The following GNB1L variants were observed in gnomAD, a reference collection of about 807,000 sequenced individuals.
GNB1L encodes the protein guanine nucleotide-binding protein subunit beta-like protein 1.
A neutral mutation model predicts 29.1 loss-of-function variants in GNB1L; 20 were observed. The observed-to-expected ratio is 0.69, with a 90% CI of 0.48 to 1.00. The LOEUF (loss-of-function observed/expected upper bound fraction) is 1.00, where lower values mean the gene tolerates loss of function less well. Among genes scored for constraint, GNB1L ranks in the 50% least tolerant of loss-of-function variants. The pLI is 0.00. For missense variants in GNB1L, 421 were observed against 464.9 expected (o/e 0.91, Z 0.87); for synonymous variants, 193 against 206.5 (o/e 0.93, Z 0.56).
Position 19,783,541 on chromosome 22 carries a change from C to A in GNB1L, c.*5168G>T, listed in dbSNP as rs41258424. 0.14 allele frequency: 25,974 copies of A among 185,598 alleles called. 2,558 individuals are homozygous for A. Among genetic ancestry groups the A allele is most frequent in the East Asian group, 0.42 (2,842 of 6,690 alleles). 11.5% of individuals were successfully genotyped at this position (185,598 alleles called of 1,614,324 possible). A position where few individuals can be genotyped will look rare whatever the true frequency, so the allele number is the denominator to read the frequency against. On this transcript the variant is annotated 3_prime_UTR_variant, in exon 8 of 8. Transcript: ENST00000329517. ...CTCCAGCCTGGGTGACAGAGTGAGA[C>A]CCCCACTGTCCCTGGTCTCTTAAAA...
chr22:19,852,130 A>T (rs1938120441), intron 2 of GNB1L: 2 of 1,614,170 alleles, frequency 1.2e-6, no homozygotes, highest in East Asian at 4.5e-5. Flanking sequence ...CAATCCAGGG[A>T]TCCACAAGGG....
intron 2 of GNB1L, among the ~76,000 whole-genome samples, chr22:19,845,798 A>G (rs1047773841): frequency 1.3e-5 from 2 of 152,206 alleles, no homozygotes; most frequent in Non-Finnish European, 2.9e-5. Context: ...GAGTGTGAAC[A>G]CTGCTGGGGC....
intron 2 of GNB1L, chr22:19,847,804 C>CAAAAAAAAAAAAAAAAGAAA (rs1937997826): frequency 1.9e-6 from 1 of 533,108 alleles, no homozygotes; most frequent in Non-Finnish European, 2.2e-6. Context: ...GAATCATAGG[C>CAAAAAAAAAAAAAAAAGAAA]AAAAAAAAAA....
intron 6 of GNB1L, among the ~76,000 whole-genome samples, chr22:19,804,826 C>G (rs1046237526): frequency 2.6e-5 from 4 of 152,236 alleles, no homozygotes; most frequent in African/African-American, 7.2e-5. Context: ...GTTTGTACAT[C>G]CCTTTCTACG....
chr22:19,853,592 T>TC (rs1938162140), intron 2 of GNB1L, among the ~76,000 whole-genome samples: 1 of 151,900 alleles, frequency 6.6e-6, no homozygotes, highest in Non-Finnish European at 1.5e-5. Context: ...CTGCTGGCCA[T>TC]CCCCCCTCAG....
intron 2 of GNB1L, among the ~76,000 whole-genome samples, chr22:19,842,283 C>G (rs1569054527): frequency 6.6e-6 from 1 of 152,254 alleles, no homozygotes; most frequent in Non-Finnish European, 1.5e-5. Flanking sequence ...CTATCCCAGT[C>G]AGTTCACTGG....
chr22:19,818,701 CCTT>C (rs1937555001), intron 4 of GNB1L, among the ~76,000 whole-genome samples: 1 of 152,214 alleles, frequency 6.6e-6, no homozygotes, highest in African/African-American at 2.4e-5. Context: ...ACAGGCCTGT[CCTT>C]CTGGAGTTCT....
At chr22:19,850,274 T>C (rs868410996) in intron 2 of GNB1L, 17 of 983,344 alleles carry the variant, frequency 1.7e-5, no homozygotes, top group East Asian at 2.3e-4. Flanking sequence ...ACCAATTGTG[T>C]ACCAGGCCAC....
chr22:19,808,678 G>A (rs1194748786), intron 5 of GNB1L, among the ~76,000 whole-genome samples: 2 of 152,254 alleles, frequency 1.3e-5, no homozygotes, highest in African/African-American at 2.4e-5. Flanking sequence ...GCTGGGGCGG[G>A]CTTAGCCGTT....
At chr22:19,828,957 G>A (rs919732432) in intron 2 of GNB1L, among the ~76,000 whole-genome samples, 1 of 151,702 alleles carries the variant, frequency 6.6e-6, no homozygotes, top group Non-Finnish European at 1.5e-5. Flanking sequence ...TCAGCCTCCC[G>A]AGTAGCTGGG....
chr22:19,822,594 AG>A (rs1937588127), intron 2 of GNB1L, among the ~76,000 whole-genome samples: 1 of 152,196 alleles, frequency 6.6e-6, no homozygotes, highest in African/African-American at 2.4e-5. Flanking sequence ...AGCCTGTCAC[AG>A]GGGGCCTTTC....
intron 7 of GNB1L, among the ~76,000 whole-genome samples, chr22:19,798,672 G>GC (rs959400849): frequency 3.3e-5 from 5 of 152,160 alleles, no homozygotes; most frequent in Admixed American, 3.3e-4. Flanking sequence ...GCCACTGCCT[G>GC]CAGGGACAGG....
chr22:19,812,245 T>C (rs1198934993), intron 5 of GNB1L, 40 bp downstream of exon 5: 1 of 1,597,862 alleles, frequency 6.3e-7, no homozygotes, highest in Non-Finnish European at 8.5e-7. Flanking sequence ...TGAGCACAAC[T>C]GTTTGGAGAA....
intron 2 of GNB1L, among the ~76,000 whole-genome samples, chr22:19,823,801 G>GCACA (rs139151284): frequency 6.6e-6 from 1 of 151,942 alleles, no homozygotes; most frequent in Non-Finnish European, 1.5e-5. Flanking sequence ...ACCCATATGT[G>GCACA]CACACACACA....
intron 2 of GNB1L, among the ~76,000 whole-genome samples, chr22:19,853,982 C>T (rs1261833166): frequency 6.6e-6 from 1 of 152,218 alleles, no homozygotes; most frequent in African/African-American, 2.4e-5. Context: ...GTCCCCTACC[C>T]TGCCCACTCA....
In GNB1L at chr22:19,828,737, A is replaced by G. The variant is rs180931063; in HGVS notation, c.-20-7362T>C. On this transcript the variant is annotated intron_variant, in intron 2 of 7. Coordinates refer to ENST00000329517, the MANE Select transcript of GNB1L (RefSeq NM_053004.3). ...GTTTTTAATATCTATGCACTATATA[A>G]CAGAGATACCACCTCTATAGAGCAG... Among the ~76,000 whole-genome samples, 368 of 151,732 alleles carry G rather than the reference A, an allele frequency of 2.4e-3. 2 individuals carry two copies. The highest frequency in any genetic ancestry group is 8.6e-3 in the African/African-American group (356 of 41,460).
intron 2 of GNB1L, chr22:19,848,432 ATCT>A: frequency 1.0e-6 from 1 of 985,502 alleles, no homozygotes; most frequent in Non-Finnish European, 1.2e-6. Context: ...CTTGGTCATC[ATCT>A]GTCTGAAAGC....
chr22:19,821,201 C>T, intron 3 of GNB1L, 27 bp downstream of exon 3: 1 of 1,596,648 alleles, frequency 6.3e-7, no homozygotes, highest in South Asian at 1.1e-5. Context: ...CCCTGGGTGG[C>T]CTGGGGCTGG....
intron 7 of GNB1L, chr22:19,792,751 A>G (rs1041175705): frequency 2.2e-5 from 33 of 1,503,222 alleles, no homozygotes; most frequent in Admixed American, 1.9e-4. Flanking sequence ...AAGAAAGCTC[A>G]GCTGGTGGTG....
Sources: gnomAD v4.1 joint callset for allele counts (sites outside exome capture counted in the v4.1 genomes callset) on GRCh38, gnomAD v4.1.1 for gene constraint, MANE v1.5 for transcripts, NCBI Gene and HGNC (gene_info 2026-07-23, HGNC 2026-07-21) for gene names.